BCO2: variants seen among roughly 807,000 people sequenced by gnomAD.
BCO2 encodes the protein beta-carotene oxygenase 2, also known as carotenoid-cleaving dioxygenase, mitochondrial.
Under a neutral mutation model 65.8 loss-of-function variants are expected in BCO2, and 56 were observed. The observed-to-expected ratio is 0.85, with a 90% CI of 0.69 to 1.06. The LOEUF (loss-of-function observed/expected upper bound fraction) is 1.06. BCO2 is among the 50% of genes least tolerant of loss of function. The pLI, the probability that BCO2 is intolerant of heterozygous loss-of-function variation, is 0.00. For synonymous variants in BCO2, 233 were observed against 242.3 expected (o/e 0.96, Z 0.36); for missense variants, 675 against 698.5 (o/e 0.97, Z 0.38).
At position 112,179,333 on chromosome 11, in the gene BCO2, T is replaced by A. The variant is rs1866965697; in HGVS notation, c.144T>A (p.Cys48Ter). ...AGAAAAAAGCCGTCTTTGGGCAGTGTCGGGGTCTGCCATGTGTTGCACCGC... is the reference window on the plus strand; with the variant it reads ...AGAAAAAAGCCGTCTTTGGGCAGTGACGGGGTCTGCCATGTGTTGCACCGC... ...TPQKKAVFGQ[C>*]RGLPCVAPLL... Residue 48 changes from cysteine to a stop codon, truncating the protein, a stop_gained, in exon 2 of 12, where the codon TGT becomes TGA. Transcript: ENST00000357685. LOFTEE classifies it high-confidence loss of function. The A allele has an allele frequency of 6.2e-7, 1 of 1,614,118 alleles. No homozygotes were observed. Among genetic ancestry groups the A allele is most frequent in the Non-Finnish European group, 8.5e-7 (1 of 1,180,052 alleles).
intron 1 of BCO2, among the ~76,000 whole-genome samples, chr11:112,177,467 C>A (rs1866916288): frequency 6.6e-6 from 1 of 152,204 alleles, no homozygotes; most frequent in African/African-American, 2.4e-5. Context: ...TGTCAGTGAT[C>A]TGTTTACTAG....
intron 2 of BCO2, chr11:112,181,864 C>A (rs552396239): frequency 3.1e-6 from 3 of 953,206 alleles, no homozygotes; most frequent in East Asian, 4.8e-5. Context: ...CTTGAACGAG[C>A]TCATCTCTCT....
At chr11:112,194,087 T>G (rs1867486946) in intron 4 of BCO2, 93 bp downstream of exon 4, 3 of 754,388 alleles carry the variant, frequency 4.0e-6, no homozygotes, top group Non-Finnish European at 6.7e-6. Flanking sequence ...CAAGAAGAAA[T>G]TGAAGCCTTA....
chr11:112,178,516 C>A (rs979136284), intron 1 of BCO2, among the ~76,000 whole-genome samples: 1 of 152,170 alleles, frequency 6.6e-6, no homozygotes, highest in Admixed American at 6.5e-5. Flanking sequence ...ATAAAGAATT[C>A]TATTTTATAG....
intron 2 of BCO2, among the ~76,000 whole-genome samples, chr11:112,185,771 A>G (rs1484662939): frequency 6.6e-6 from 1 of 152,252 alleles, no homozygotes; most frequent in African/African-American, 2.4e-5. Flanking sequence ...GTGGTAAAAT[A>G]TAGATAACAT....
In BCO2 at chr11:112,216,244, C is replaced by A; in HGVS notation, c.1540C>A (p.Pro514Thr). The part of the protein sequence containing the change: ...LKVWREDGFY[P>T]SEPVFVPAPG... ...GGTTTGGAGAGAAGATGGCTTTTAT[C>A]CCTCAGAACCTGTTTTTGTTCCAGC... Residue 514 changes from proline to threonine, a missense_variant, in exon 11 of 12, where the codon CCC becomes ACC. Transcript: ENST00000357685. 2 of 1,614,074 alleles carry A rather than the reference C, an allele frequency of 1.2e-6. No homozygotes were observed. The highest frequency in any genetic ancestry group is 1.7e-6 in the Non-Finnish European group (2 of 1,179,974).
intron 1 of BCO2, among the ~76,000 whole-genome samples, chr11:112,177,016 T>C (rs922051959): frequency 2.6e-5 from 4 of 152,178 alleles, no homozygotes; most frequent in Non-Finnish European, 4.4e-5. Context: ...TGCAATAGAG[T>C]ATACAACATA....
intron 8 of BCO2, among the ~76,000 whole-genome samples, chr11:112,206,218 C>G (rs1424314576): frequency 6.6e-6 from 1 of 151,148 alleles, no homozygotes; most frequent in South Asian, 2.1e-4. Context: ...CAGGCAGAGG[C>G]GCTCCTCACT....
chr11:112,192,681 T>G (rs113126415), intron 2 of BCO2, among the ~76,000 whole-genome samples: 1 of 148,140 alleles, frequency 6.8e-6, no homozygotes, highest in Non-Finnish European at 1.5e-5. Flanking sequence ...TTCTTTCTTT[T>G]TTTTTTTTTT....
rs752219938 is a variant in BCO2 at position 112,200,763 on chromosome 11, G to A, written c.1016G>A (p.Arg339His). Residue 339 changes from arginine to histidine, a missense_variant, in exon 7 of 12, where the codon CGC becomes CAC. By Grantham distance (29) the Arg-to-His change is conservative. Transcript: ENST00000357685. ...ACGCGGTTTCATGTGGTGGAAAAAC[G>A]CACTGGACAGGTGGAGTATTTTGAG... ...CNTRFHVVEK[R>H]TGQLLPGRYY... The A allele has an allele frequency of 1.9e-6, 3 of 1,613,642 alleles. No individual in the cohort carries two copies. The highest frequency in any genetic ancestry group is 2.2e-5 in the South Asian group (2 of 90,964).
At chr11:112,194,526 G>A in intron 4 of BCO2, 127 bp from the exon 5 acceptor site, 1 of 620,822 alleles carries the variant, frequency 1.6e-6, no homozygotes, top group Non-Finnish European at 2.8e-6. Flanking sequence ...ATTTCTCAGA[G>A]GCAAGAAATT....
At chr11:112,175,816 A>G (rs1315819446) in intron 1 of BCO2, 127 bp downstream of exon 1, 3 of 736,838 alleles carry the variant, frequency 4.1e-6, no homozygotes, top group Middle Eastern at 7.2e-4. Context: ...GGCTCAGATG[A>G]GATAGCAATT....
At chr11:112,195,878 A>C (rs1052561812) in intron 5 of BCO2, among the ~76,000 whole-genome samples, 2 of 152,242 alleles carry the variant, frequency 1.3e-5, no homozygotes, top group Non-Finnish European at 2.9e-5. Flanking sequence ...GTAGAACTGA[A>C]AAGGGGCCAA....
intron 8 of BCO2, among the ~76,000 whole-genome samples, chr11:112,205,707 C>A (rs1054158049): frequency 6.6e-6 from 1 of 152,174 alleles, no homozygotes; most frequent in Non-Finnish European, 1.5e-5. Context: ...GATCCTCCTG[C>A]CTCAGCCTCA....
In BCO2 at chr11:112,193,949, CT is replaced by C; in HGVS notation, c.591del (p.Phe197LeufsTer2). On this transcript the variant is annotated frameshift_variant, in exon 4 of 12. Coordinates refer to ENST00000357685, the MANE Select transcript of BCO2 (RefSeq NM_031938.7). LOFTEE classifies it high-confidence loss of function. The stretch of plus-strand genomic sequence containing the variant: ...ATTACTACCTCTGCACTGAGACCAA[CT>C]TTATGAATAAAGTGGACATTGAAAC... ...GDYYLCTETN[F>X]MNKVDIETLE... The C allele has an allele frequency of 1.2e-6, 2 of 1,611,416 alleles. No homozygotes were observed. Among genetic ancestry groups the C allele is most frequent in the Non-Finnish European group, 8.5e-7 (1 of 1,177,760 alleles).
Position 112,193,871 on chromosome 11 carries a change from G to A in BCO2, c.518-8G>A. ...TGGTACTTAAATAACTCTAGGGTTTGGTTTCAGCCATGACTGACAATACTA... is the reference window on the plus strand; with the variant it reads ...TGGTACTTAAATAACTCTAGGGTTTAGTTTCAGCCATGACTGACAATACTA... On this transcript the variant is annotated splice_polypyrimidine_tract_variant and splice_region_variant and intron_variant, in intron 3 of 11. Transcript: ENST00000357685. The A allele has an allele frequency of 6.4e-7, 1 of 1,569,654 alleles. No individual in the cohort carries two copies. The highest frequency in any genetic ancestry group is 8.8e-7 in the Non-Finnish European group (1 of 1,139,606).
chr11:112,214,706 T>A, intron 9 of BCO2, 56 bp from the exon 10 acceptor site: 3 of 1,486,474 alleles, frequency 2.0e-6, no homozygotes, highest in South Asian at 1.2e-5. Context: ...CTGACCTACA[T>A]AAGAGGAAAA....
At chr11:112,179,778 G>T in intron 2 of BCO2, 5 of 388,818 alleles carry the variant, frequency 1.3e-5, no homozygotes, top group Non-Finnish European at 2.4e-5. Flanking sequence ...AGTTCCTGAA[G>T]GAAGGGCAAT....
rs766975166 is a variant in BCO2, at chr11:112,193,491, A to T, written c.311A>T (p.Asp104Val). 1 of 1,613,984 alleles carries T rather than the reference A, an allele frequency of 6.2e-7. No individual in the cohort carries two copies. The highest frequency in any genetic ancestry group is 1.7e-5 in the Admixed American group (1 of 60,000). ...FGKDKYNHWF[D>V]GMALLHQFRM... ...GTTTGAAGGTACAATCATTGGTTTGATGGGATGGCGCTGCTTCACCAGTTC... is the reference window on the plus strand; with the variant it reads ...GTTTGAAGGTACAATCATTGGTTTGTTGGGATGGCGCTGCTTCACCAGTTC... The change falls in exon 3 of 12, where the codon GAT (aspartate) becomes GTT (valine). Residue 104 changes from aspartate (D) to valine (V), a missense_variant. By Grantham distance (152) the Asp-to-Val change is radical (BLOSUM62 -3). Coordinates refer to ENST00000357685, the MANE Select transcript of BCO2 (RefSeq NM_031938.7).
Sources: gnomAD v4.1 joint callset for allele counts (sites outside exome capture counted in the v4.1 genomes callset) on GRCh38, gnomAD v4.1.1 for gene constraint, MANE v1.5 for transcripts, NCBI Gene and HGNC (gene_info 2026-07-23, HGNC 2026-07-21) for gene names.